The following MACROD2 variants were observed in gnomAD, a reference collection of about 807,000 sequenced individuals.
MACROD2 encodes ADP-ribose glycohydrolase MACROD2.
MACROD2 carries 36 observed loss-of-function variants against 70.4 expected under a neutral mutation model. The observed-to-expected ratio is 0.51, with a 90% CI of 0.39 to 0.68. The LOEUF is 0.68. Among genes scored for constraint, MACROD2 ranks in the 30% least tolerant of loss-of-function variants. The pLI is 0.00. For synonymous variants in MACROD2, 172 were observed against 178.8 expected (o/e 0.96, Z 0.30); for missense variants, 496 against 538.4 (o/e 0.92, Z 0.78).
chr20:15,014,624 T>A (rs2122944205), intron 5 of MACROD2, among the ~76,000 whole-genome samples: 1 of 152,300 alleles, frequency 6.6e-6, no homozygotes, highest in African/African-American at 2.4e-5. Context: ...CATGCTTTTT[T>A]CTGTACTGAA....
chr20:15,993,115 A>G (rs1422208128), intron 15 of MACROD2, among the ~76,000 whole-genome samples: 1 of 152,216 alleles, frequency 6.6e-6, no homozygotes. Flanking sequence ...TTTCAGAAAG[A>G]TAAAATTATG....
At chr20:14,663,187 G>C (rs1600513014) in intron 4 of MACROD2, among the ~76,000 whole-genome samples, 1 of 151,952 alleles carries the variant, frequency 6.6e-6, no homozygotes, top group Admixed American at 6.6e-5. Flanking sequence ...TGTAGGACAG[G>C]GATGGAGGTG....
intron 5 of MACROD2, among the ~76,000 whole-genome samples, chr20:14,994,563 TG>T (rs750425093): frequency 2.6e-5 from 4 of 151,838 alleles, no homozygotes; most frequent in Non-Finnish European, 5.9e-5. Context: ...GAAACCAGCC[TG>T]GGCAACAAAG....
intron 5 of MACROD2, among the ~76,000 whole-genome samples, chr20:14,870,758 T>C (rs185678456): frequency 5.9e-4 from 90 of 152,274 alleles, no homozygotes; most frequent in African/African-American, 1.8e-3. Flanking sequence ...TTGAAAAGTG[T>C]CTGTTCATGT....
At chr20:15,203,200 C>A (rs968958339) in intron 5 of MACROD2, among the ~76,000 whole-genome samples, 1 of 152,154 alleles carries the variant, frequency 6.6e-6, no homozygotes, top group African/African-American at 2.4e-5. Flanking sequence ...ACATTCAAAT[C>A]TTACATCGCA....
At chr20:14,257,669 T>A (rs951406411) in intron 3 of MACROD2, among the ~76,000 whole-genome samples, 1 of 152,200 alleles carries the variant, frequency 6.6e-6, no homozygotes, top group Non-Finnish European at 1.5e-5. Context: ...TGCATAACTT[T>A]TAAAATTTAT....
intron 5 of MACROD2, among the ~76,000 whole-genome samples, chr20:14,853,319 G>A (rs2073219633): frequency 6.6e-6 from 1 of 152,004 alleles, no homozygotes; most frequent in Non-Finnish European, 1.5e-5. Flanking sequence ...ACTTGCTTTT[G>A]TTAGTGACTG....
At chr20:14,130,285 C>T (rs1477410653) in intron 3 of MACROD2, among the ~76,000 whole-genome samples, 3 of 152,196 alleles carry the variant, frequency 2.0e-5, no homozygotes, top group Non-Finnish European at 4.4e-5. Flanking sequence ...CGGTGGCTCA[C>T]ACCTGTAATC....
intron 4 of MACROD2, among the ~76,000 whole-genome samples, chr20:14,651,813 T>A (rs1985694602): frequency 6.6e-6 from 1 of 152,182 alleles, no homozygotes; most frequent in African/African-American, 2.4e-5. Flanking sequence ...CCGACCAGTG[T>A]CTCATCAAAT....
intron 5 of MACROD2, among the ~76,000 whole-genome samples, chr20:14,939,985 T>C (rs956708384): frequency 2.0e-5 from 3 of 151,726 alleles, no homozygotes; most frequent in African/African-American, 7.3e-5. Flanking sequence ...TGTTTATCAG[T>C]TCTAACAGTT....
chr20:14,326,647 G>C lies in MACROD2; in HGVS notation c.272-166832G>C, dbSNP rs2082740185. 6.2e-7 allele frequency: 1 copy of C among 1,613,758 alleles called. No individual in the cohort carries two copies. Among genetic ancestry groups the C allele is most frequent in the Non-Finnish European group, 8.5e-7 (1 of 1,179,814 alleles). Reference sequence around the variant, plus strand: ...GTCCAAATCATCAAAGATACCCTGAGGTAAATTACTTAGGTTATTATTGGA... The same window carrying C: ...GTCCAAATCATCAAAGATACCCTGACGTAAATTACTTAGGTTATTATTGGA... On this transcript the variant is annotated intron_variant, in intron 3 of 17. Transcript: ENST00000684519. The surrounding 1 kb of genome is among the most constrained non-coding windows in gnomAD (Gnocchi z 5.5).
intron 5 of MACROD2, among the ~76,000 whole-genome samples, chr20:15,034,315 TAATGAG>T (rs2075297133): frequency 1.3e-5 from 2 of 152,174 alleles, no homozygotes; most frequent in African/African-American, 2.4e-5. Context: ...TCATTTTTAG[TAATGAG>T]GTTACCAAGG....
intron 3 of MACROD2, among the ~76,000 whole-genome samples, chr20:14,449,075 G>A (rs1056162777): frequency 6.6e-6 from 1 of 152,050 alleles, no homozygotes; most frequent in African/African-American, 2.4e-5. Context: ...AGGCAGTTTT[G>A]AGGTCTTTAT....
At chr20:15,868,139 C>T (rs1014136420) in intron 9 of MACROD2, among the ~76,000 whole-genome samples, 4 of 152,146 alleles carry the variant, frequency 2.6e-5, no homozygotes, top group Admixed American at 6.5e-5. Context: ...AGGCCATTGC[C>T]GCAGTCTTTG....
intron 4 of MACROD2, among the ~76,000 whole-genome samples, chr20:14,565,625 A>G (rs1979747624): frequency 6.6e-6 from 1 of 151,968 alleles, no homozygotes; most frequent in Non-Finnish European, 1.5e-5. Flanking sequence ...AAAATTTGTC[A>G]ACAATAATAT....
At chr20:14,629,378 A>C (rs1029453499) in intron 4 of MACROD2, among the ~76,000 whole-genome samples, 3 of 152,224 alleles carry the variant, frequency 2.0e-5, no homozygotes, top group Non-Finnish European at 4.4e-5. Flanking sequence ...TACAACACAC[A>C]GTCTCTTGAT....
chr20:14,108,051 A>G (rs2054395035), intron 3 of MACROD2, among the ~76,000 whole-genome samples: 1 of 152,140 alleles, frequency 6.6e-6, no homozygotes, highest in Admixed American at 6.6e-5. Context: ...AATAAGTACA[A>G]CAGCTTTTCA....
intron 3 of MACROD2, among the ~76,000 whole-genome samples, chr20:14,448,332 CAG>C (rs1244875349): frequency 6.6e-6 from 1 of 151,948 alleles, no homozygotes; most frequent in African/African-American, 2.4e-5. Flanking sequence ...TGGAGCCTGC[CAG>C]AGTTTTCATT....
intron 13 of MACROD2, among the ~76,000 whole-genome samples, chr20:15,979,179 C>T (rs1451674030): frequency 2.0e-5 from 3 of 152,134 alleles, no homozygotes; most frequent in Admixed American, 2.0e-4. Flanking sequence ...AACAAATAAC[C>T]CCAACAGTTT....
Sources: allele counts gnomAD v4.1 joint callset (sites outside exome capture counted in the v4.1 genomes callset), GRCh38; gene constraint gnomAD v4.1.1; non-coding constraint Gnocchi (gnomAD v3.1); transcripts MANE v1.5; gene names NCBI Gene and HGNC (gene_info 2026-07-23, HGNC 2026-07-21).